CNTNAP2: variants seen among roughly 807,000 people sequenced by gnomAD.
CNTNAP2 encodes contactin associated protein 2.
Under a neutral mutation model 155.2 loss-of-function variants are expected in CNTNAP2, and 98 were observed. The ratio of observed to expected loss-of-function variants is 0.63; its 90% CI spans 0.54 to 0.75. The LOEUF (loss-of-function observed/expected upper bound fraction) is 0.75, where lower values mean the gene tolerates loss of function less well. CNTNAP2 is among the 30% of genes least tolerant of loss of function. The probability of loss-of-function intolerance (pLI) is 0.00; values close to 1 mark genes in which losing one functional copy is unlikely to be tolerated. For missense variants in CNTNAP2, 1,727 were observed against 1,688.1 expected, an observed-to-expected ratio of 1.02 and a Z score of -0.40; for synonymous variants, 651 against 631.2, an observed-to-expected ratio of 1.03 and a Z score of -0.47.
At chr7:147,195,054 G>C (rs1297553943) in intron 8 of CNTNAP2, among the ~76,000 whole-genome samples, 1 of 152,114 alleles carries the variant, frequency 6.6e-6, no homozygotes, top group African/African-American at 2.4e-5. Flanking sequence ...ATGGTTTGGG[G>C]TTTTACATTT....
intron 15 of CNTNAP2, among the ~76,000 whole-genome samples, chr7:148,044,106 G>A (rs1339411476): frequency 1.3e-5 from 2 of 151,282 alleles, no homozygotes; most frequent in African/African-American, 4.9e-5. Context: ...AGATAACACG[G>A]TAAAAATGAA....
chr7:148,219,243 G>A (rs890874333), intron 19 of CNTNAP2, among the ~76,000 whole-genome samples: 7 of 152,104 alleles, frequency 4.6e-5, no homozygotes, highest in African/African-American at 1.7e-4. Flanking sequence ...TCAGCCCTAA[G>A]ATCACTTTTT....
chr7:148,089,916 A>G (rs1361111773), intron 15 of CNTNAP2, among the ~76,000 whole-genome samples: 1 of 151,986 alleles, frequency 6.6e-6, no homozygotes, highest in Non-Finnish European at 1.5e-5. Flanking sequence ...ATAGACTAGC[A>G]TAAATACAGA....
intron 15 of CNTNAP2, among the ~76,000 whole-genome samples, chr7:148,092,203 C>G (rs147871073): frequency 6.6e-6 from 1 of 152,158 alleles, no homozygotes; most frequent in Admixed American, 6.5e-5. Flanking sequence ...AATTCTTCCA[C>G]GACATTTGTT....
At chr7:146,800,550 A>T (rs940649026) in intron 2 of CNTNAP2, among the ~76,000 whole-genome samples, 1 of 152,188 alleles carries the variant, frequency 6.6e-6, no homozygotes, top group Non-Finnish European at 1.5e-5. Context: ...ATTCCCCAAA[A>T]TATGCAGGTT....
intron 1 of CNTNAP2, among the ~76,000 whole-genome samples, chr7:146,551,730 C>A (rs1341129402): frequency 6.6e-6 from 1 of 152,036 alleles, no homozygotes; most frequent in African/African-American, 2.4e-5. Context: ...ACCGCAGGAC[C>A]ACATTTGTAC....
chr7:147,659,480 T>A (rs1319936747), intron 13 of CNTNAP2, among the ~76,000 whole-genome samples: 1 of 152,184 alleles, frequency 6.6e-6, no homozygotes, highest in Non-Finnish European at 1.5e-5. Flanking sequence ...ACTACCAACA[T>A]AGAGGAAACC....
At chr7:148,119,493 G>T (rs542012196) in intron 16 of CNTNAP2, among the ~76,000 whole-genome samples, 1 of 152,088 alleles carries the variant, frequency 6.6e-6, no homozygotes, top group Non-Finnish European at 1.5e-5. Context: ...CCTAGATTGC[G>T]CCACTGCACT....
intron 1 of CNTNAP2, among the ~76,000 whole-genome samples, chr7:146,511,395 C>T (rs1797463909): frequency 6.6e-6 from 1 of 152,184 alleles, no homozygotes; most frequent in South Asian, 2.1e-4. Flanking sequence ...TTCAATTTTT[C>T]TCCATTTAGT....
At chr7:146,571,100 T>A (rs1454447441) in intron 1 of CNTNAP2, among the ~76,000 whole-genome samples, 1 of 152,166 alleles carries the variant, frequency 6.6e-6, no homozygotes, top group Non-Finnish European at 1.5e-5. Context: ...CTGAAAAAGA[T>A]GTCTTCTGAA....
intron 1 of CNTNAP2, among the ~76,000 whole-genome samples, chr7:146,722,978 G>A (rs1019713408): frequency 1.3e-5 from 2 of 152,166 alleles, no homozygotes; most frequent in Non-Finnish European, 2.9e-5. Context: ...TTGTGCCACT[G>A]CACTCCAGCC....
At chr7:147,769,920 C>A (rs117760224) in intron 13 of CNTNAP2, among the ~76,000 whole-genome samples, 1 of 152,092 alleles carries the variant, frequency 6.6e-6, no homozygotes, top group Non-Finnish European at 1.5e-5. Context: ...AGCTAGTACA[C>A]GTAAATCACT....
chr7:147,837,850 C>T (rs145669270), intron 13 of CNTNAP2, among the ~76,000 whole-genome samples: 62 of 152,344 alleles, frequency 4.1e-4, no homozygotes, highest in Middle Eastern at 3.4e-3. Flanking sequence ...CAGCCTTGGG[C>T]AGCTCTGTCC....
intron 11 of CNTNAP2, among the ~76,000 whole-genome samples, chr7:147,519,141 A>G (rs1380363881): frequency 6.6e-6 from 1 of 152,166 alleles, no homozygotes; most frequent in Non-Finnish European, 1.5e-5. Flanking sequence ...TTGGGAGGTC[A>G]GAAGTCTGAA....
At chr7:146,706,837 A>C (rs537825364) in intron 1 of CNTNAP2, among the ~76,000 whole-genome samples, 1 of 151,900 alleles carries the variant, frequency 6.6e-6, no homozygotes, top group Non-Finnish European at 1.5e-5. Flanking sequence ...ATACCTGGGC[A>C]ATGAAATCTG....
At position 146,401,335 on chromosome 7, in the gene CNTNAP2, C is replaced by T. The variant is rs192511453; in HGVS notation, c.97+284362C>T. ...ATATGGCCAGAGACTAGGCAAGTAACGGAGCTGGTGGCAGAGAAAAAAATA... is the reference window on the plus strand; with the variant it reads ...ATATGGCCAGAGACTAGGCAAGTAATGGAGCTGGTGGCAGAGAAAAAAATA... On this transcript the variant is annotated intron_variant, in intron 1 of 23. Coordinates refer to ENST00000361727, the MANE Select transcript of CNTNAP2 (RefSeq NM_014141.6). Among the ~76,000 whole-genome samples, 61 of 151,864 alleles carry T rather than the reference C, an allele frequency of 4.0e-4. No individual in the cohort carries two copies. In the South Asian group the frequency reaches 6.0e-3, roughly 15 times the overall value.
intron 1 of CNTNAP2, among the ~76,000 whole-genome samples, chr7:146,594,014 T>C (rs1349635715): frequency 6.6e-6 from 1 of 152,168 alleles, no homozygotes; most frequent in Admixed American, 6.5e-5. Context: ...AAGGGAATGA[T>C]ATCTGATGAC....
At chr7:147,680,078 T>C (rs182825927) in intron 13 of CNTNAP2, among the ~76,000 whole-genome samples, 44 of 151,940 alleles carry the variant, frequency 2.9e-4, no homozygotes, top group African/African-American at 8.7e-4. Context: ...CCATTTCAGC[T>C]CTTTTACAAA....
chr7:146,368,091 A>C (rs549373025), intron 1 of CNTNAP2, among the ~76,000 whole-genome samples: 107 of 152,170 alleles, frequency 7.0e-4, no homozygotes, highest in African/African-American at 2.6e-3. Context: ...TCTCCTCTGC[A>C]TCCCCAATGC....
Sources: allele counts gnomAD v4.1 joint callset (sites outside exome capture counted in the v4.1 genomes callset), GRCh38; gene constraint gnomAD v4.1.1; transcripts MANE v1.5; gene names NCBI Gene and HGNC (gene_info 2026-07-23, HGNC 2026-07-21).